LRCH1: variants seen among roughly 807,000 people sequenced by gnomAD.
The protein encoded by LRCH1 is leucine-rich repeat and calponin homology domain-containing protein 1.
A neutral mutation model predicts 94.9 loss-of-function variants in LRCH1; 23 were observed. The ratio of observed to expected loss-of-function variants is 0.24; its 90% CI spans 0.17 to 0.34. LRCH1 has a LOEUF of 0.34. Ranked by LOEUF, LRCH1 falls within the 10% of genes least tolerant of loss-of-function variation. LRCH1 has a pLI of 1.00. For synonymous variants in LRCH1, 364 were observed against 354.9 expected (o/e 1.03, Z -0.29); for missense variants, 790 against 945.9 (o/e 0.84, Z 2.16).
intron 16 of LRCH1, among the ~76,000 whole-genome samples, chr13:46,719,703 T>G (rs1169451480): frequency 6.6e-6 from 1 of 152,248 alleles, no homozygotes; most frequent in African/African-American, 2.4e-5. Flanking sequence ...TTTCATTCTT[T>G]AAATGTTATT....
chr13:46,659,156 T>G (rs1269168599), intron 2 of LRCH1, among the ~76,000 whole-genome samples: 1 of 149,494 alleles, frequency 6.7e-6, no homozygotes, highest in Non-Finnish European at 1.5e-5. Flanking sequence ...ATACTCCAAA[T>G]ACTTCAGATT....
rs909045343 is a variant in LRCH1, at chr13:46,634,451, G to A, written c.308-15750G>A. ...TCCCTACTGGCCATCAATCCCATGT[G>A]CCTCAGCCGTAATGCCAGTCACAGT... On this transcript the variant is annotated intron_variant, in intron 1 of 19. Coordinates refer to ENST00000389797, the MANE Select transcript of LRCH1 (RefSeq NM_001164211.2). Among the ~76,000 whole-genome samples the A allele has an allele frequency of 4.6e-5, 7 of 152,142 alleles. No homozygotes were observed. In the East Asian group the frequency reaches 7.7e-4, roughly 17 times the overall value.
At position 46,553,618 on chromosome 13, in the gene LRCH1, G is replaced by T; in HGVS notation, c.222G>T (p.Gly74=). 6.3e-7 allele frequency: 1 copy of T among 1,579,416 alleles called. No individual in the cohort carries two copies. The part of the protein sequence containing the change: ...ERALEEAANS[G]GLNLSARKLK... ...CGCTTGAGGAGGCGGCCAACTCCGG[G>T]GGGCTGAACCTGAGCGCCAGGAAAT... is the stretch of plus-strand genomic sequence containing the variant. Residue 74 remains glycine (G), a synonymous_variant, in exon 1 of 20, where the codon GGG becomes GGT. Transcript: ENST00000389797.
At chr13:46,575,443 C>T (rs569994054) in intron 1 of LRCH1, among the ~76,000 whole-genome samples, 5 of 152,018 alleles carry the variant, frequency 3.3e-5, no homozygotes, top group African/African-American at 1.2e-4. Context: ...ATGTGCTGTG[C>T]ACACAAATGA....
intron 1 of LRCH1, among the ~76,000 whole-genome samples, chr13:46,636,532 C>T (rs1200079385): frequency 1.3e-5 from 2 of 152,130 alleles, no homozygotes; most frequent in African/African-American, 4.8e-5. Flanking sequence ...GGCAACCATC[C>T]TTATACCTTC....
chr13:46,567,385 C>T (rs1357807595), intron 1 of LRCH1, among the ~76,000 whole-genome samples: 2 of 151,930 alleles, frequency 1.3e-5, no homozygotes, highest in African/African-American at 2.4e-5. Flanking sequence ...GCATGCAAAT[C>T]AAATCCAACT....
intron 3 of LRCH1, among the ~76,000 whole-genome samples, chr13:46,678,087 C>T (rs1363524139): frequency 2.6e-5 from 4 of 152,156 alleles, no homozygotes; most frequent in Non-Finnish European, 5.9e-5. Context: ...GAAGTTGAGG[C>T]ATTAGTGTTG....
intron 1 of LRCH1, among the ~76,000 whole-genome samples, chr13:46,637,526 G>C (rs1455538031): frequency 1.3e-5 from 2 of 152,154 alleles, no homozygotes; most frequent in African/African-American, 4.8e-5. Flanking sequence ...TGTGCCTGCA[G>C]TATGCCATCC....
chr13:46,652,341 G>T (rs2138083760), intron 2 of LRCH1, among the ~76,000 whole-genome samples: 1 of 151,814 alleles, frequency 6.6e-6, no homozygotes, highest in South Asian at 2.1e-4. Flanking sequence ...CTCCCAAAGT[G>T]CTGGGATTAC....
At chr13:46,594,416 A>G (rs1278739107) in intron 1 of LRCH1, among the ~76,000 whole-genome samples, 2 of 152,194 alleles carry the variant, frequency 1.3e-5, no homozygotes, top group Non-Finnish European at 2.9e-5. Flanking sequence ...GCTAAGGGCT[A>G]TTGACCCCAA....
At chr13:46,589,819 T>C (rs1025081684) in intron 1 of LRCH1, among the ~76,000 whole-genome samples, 1 of 151,950 alleles carries the variant, frequency 6.6e-6, no homozygotes, top group African/African-American at 2.4e-5. Flanking sequence ...TAGGCTGGTC[T>C]CGAACTCCTG....
intron 1 of LRCH1, among the ~76,000 whole-genome samples, chr13:46,626,546 T>G (rs1199556986): frequency 6.6e-6 from 1 of 152,178 alleles, no homozygotes; most frequent in Non-Finnish European, 1.5e-5. Flanking sequence ...ACATTGCTCT[T>G]AACTTCACCG....
rs1170983409 is a variant in LRCH1, at chr13:46,553,461, C to A, written c.65C>A (p.Pro22Gln). 8 of 1,549,300 alleles carry A rather than the reference C, an allele frequency of 5.2e-6. No homozygotes were observed. The highest frequency in any genetic ancestry group is 1.4e-5 in the African/African-American group (1 of 72,846). Residue 22 changes from proline (P) to glutamine (Q), a missense_variant, in exon 1 of 20, where the codon CCA becomes CAA. Physicochemically the swap from Pro to Gln is moderately conservative, Grantham distance 76 (BLOSUM62 -1). Around this residue, in one of 3 missense-constraint regions of LRCH1, gnomAD observed 136 missense variants for 143.5 expected, o/e 0.95. Coordinates refer to ENST00000389797, the MANE Select transcript of LRCH1 (RefSeq NM_001164211.2). Reference protein sequence around the residue: ...VPALSVATLHPLHHPHHHHHH... With the variant: ...VPALSVATLHQLHHPHHHHHH... ...GCCCTTTCGGTAGCTACTCTGCACC[C>A]ACTTCATCATCCCCACCACCACCAC...
At chr13:46,593,100 A>G (rs2050518544) in intron 1 of LRCH1, among the ~76,000 whole-genome samples, 2 of 151,740 alleles carry the variant, frequency 1.3e-5, no homozygotes, top group Non-Finnish European at 2.9e-5. Context: ...CTAGCCCTGT[A>G]TTTATAGCTG....
intron 17 of LRCH1, among the ~76,000 whole-genome samples, chr13:46,725,977 G>A: frequency 6.6e-6 from 1 of 152,178 alleles, no homozygotes; most frequent in East Asian, 1.9e-4. Context: ...GCCTGAAAGA[G>A]TACCTAAAAA....
chr13:46,630,391 C>T (rs1187611607), intron 1 of LRCH1, among the ~76,000 whole-genome samples: 2 of 152,184 alleles, frequency 1.3e-5, no homozygotes, highest in Non-Finnish European at 2.9e-5. Context: ...ACTTTCTCAG[C>T]AAACTCAAAG....
At chr13:46,700,081 C>T (rs1392175591) in intron 10 of LRCH1, among the ~76,000 whole-genome samples, 1 of 152,088 alleles carries the variant, frequency 6.6e-6, no homozygotes, top group Non-Finnish European at 1.5e-5. Context: ...ATTTATTTAG[C>T]AAGATTTACA....
At chr13:46,611,550 T>C (rs1430219422) in intron 1 of LRCH1, among the ~76,000 whole-genome samples, 1 of 152,218 alleles carries the variant, frequency 6.6e-6, no homozygotes, top group Non-Finnish European at 1.5e-5. Flanking sequence ...ATCCAATATA[T>C]ATGATTGGAA....
At chr13:46,747,720 T>A (rs1873968086), downstream of LRCH1, among the ~76,000 whole-genome samples, 1 of 152,112 alleles carries the variant, frequency 6.6e-6, no homozygotes. Flanking sequence ...TGAGCTTATG[T>A]GTCATATAAA....
Sources: allele counts gnomAD v4.1 joint callset (sites outside exome capture counted in the v4.1 genomes callset), GRCh38; gene constraint gnomAD v4.1.1; regional missense constraint gnomAD v4.1.1; transcripts MANE v1.5; gene names NCBI Gene and HGNC (gene_info 2026-07-23, HGNC 2026-07-21).